MACROD2: variants seen among roughly 807,000 people sequenced by gnomAD.
The protein encoded by MACROD2 is mono-ADP ribosylhydrolase 2, also known as ADP-ribose glycohydrolase MACROD2.
MACROD2 carries 36 observed loss-of-function variants against 70.4 expected under a neutral mutation model. That is an observed-to-expected ratio of 0.51 (90% CI 0.39 to 0.68). MACROD2 has a LOEUF of 0.68. MACROD2 is among the 30% of genes least tolerant of loss of function. The pLI is 0.00. For missense variants in MACROD2, 496 were observed against 538.4 expected, an observed-to-expected ratio of 0.92 and a Z score of 0.78; for synonymous variants, 172 against 178.8, an observed-to-expected ratio of 0.96 and a Z score of 0.30.
At chr20:14,118,365 A>G (rs868743334) in intron 3 of MACROD2, among the ~76,000 whole-genome samples, 19 of 152,314 alleles carry the variant, frequency 1.2e-4, no homozygotes, top group Middle Eastern at 6.8e-3. Context: ...AATTAATTTG[A>G]TTAGACTCTG....
intron 7 of MACROD2, among the ~76,000 whole-genome samples, chr20:15,433,214 C>T (rs191808369): frequency 1.4e-4 from 21 of 151,912 alleles, no homozygotes; most frequent in Middle Eastern, 3.4e-3. Flanking sequence ...AGCAATCAGA[C>T]GAGAGAAAGA....
intron 9 of MACROD2, among the ~76,000 whole-genome samples, chr20:15,872,635 T>A (rs2064602315): frequency 6.6e-6 from 1 of 152,222 alleles, no homozygotes; most frequent in Non-Finnish European, 1.5e-5. Flanking sequence ...GCATCATAAA[T>A]GTTTAAATAT....
intron 5 of MACROD2, among the ~76,000 whole-genome samples, chr20:15,160,958 G>T (rs955064470): frequency 7.3e-6 from 1 of 137,060 alleles, no homozygotes; most frequent in African/African-American, 2.7e-5. Context: ...AAGTTAACAT[G>T]GATCAAGGAG....
At chr20:15,258,316 ACACT>A (rs2077217860) in intron 6 of MACROD2, among the ~76,000 whole-genome samples, 1 of 152,042 alleles carries the variant, frequency 6.6e-6, no homozygotes. Flanking sequence ...TGAGGCCTTC[ACACT>A]CACTCACCAC....
intron 3 of MACROD2, among the ~76,000 whole-genome samples, chr20:14,095,442 T>C (rs1426585678): frequency 6.6e-6 from 1 of 152,162 alleles, no homozygotes; most frequent in Non-Finnish European, 1.5e-5. Flanking sequence ...CTAAATGTGC[T>C]AAATTGTTAT....
chr20:14,282,561 T>A (rs2082314440), intron 3 of MACROD2, among the ~76,000 whole-genome samples: 1 of 152,220 alleles, frequency 6.6e-6, no homozygotes, highest in Non-Finnish European at 1.5e-5. Flanking sequence ...TAAAGGCTTG[T>A]ATTCGGCCAT....
At chr20:15,978,257 T>C (rs1375143037) in intron 13 of MACROD2, among the ~76,000 whole-genome samples, 2 of 152,104 alleles carry the variant, frequency 1.3e-5, no homozygotes, top group Non-Finnish European at 2.9e-5. Flanking sequence ...CCAAAAACAA[T>C]GCAGCTGACC....
chr20:14,275,382 A>G (rs2082242281), intron 3 of MACROD2, among the ~76,000 whole-genome samples: 1 of 152,142 alleles, frequency 6.6e-6, no homozygotes. Flanking sequence ...CAATGGGGAA[A>G]GGATTCCCTA....
chr20:15,692,087 CT>C (rs1170447210), intron 8 of MACROD2, among the ~76,000 whole-genome samples: 1 of 152,138 alleles, frequency 6.6e-6, no homozygotes, highest in African/African-American at 2.4e-5. Context: ...TTTGATTATT[CT>C]AGTTCCTGTG....
intron 8 of MACROD2, among the ~76,000 whole-genome samples, chr20:15,685,539 A>G (rs1439590266): frequency 1.3e-5 from 2 of 152,178 alleles, no homozygotes; most frequent in Non-Finnish European, 1.5e-5. Context: ...TCTTTACTTG[A>G]ATGATTCCCA....
intron 15 of MACROD2, among the ~76,000 whole-genome samples, chr20:16,015,819 AC>A (rs1170661268): frequency 6.6e-6 from 1 of 152,056 alleles, no homozygotes; most frequent in Non-Finnish European, 1.5e-5. Context: ...GTGGTTATTC[AC>A]TGCTATTTTT....
chr20:15,715,631 T>C (rs886289002), intron 8 of MACROD2, among the ~76,000 whole-genome samples: 21 of 152,290 alleles, frequency 1.4e-4, no homozygotes, highest in African/African-American at 4.3e-4. Flanking sequence ...CAAACAATAG[T>C]GCAATAGACA....
intron 9 of MACROD2, among the ~76,000 whole-genome samples, chr20:15,880,886 A>G (rs2064745439): frequency 6.6e-6 from 1 of 151,918 alleles, no homozygotes. Flanking sequence ...TCCCTACATA[A>G]CTTTAACTCA....
intron 3 of MACROD2, among the ~76,000 whole-genome samples, chr20:14,383,837 A>G (rs1367905651): frequency 6.6e-6 from 1 of 152,296 alleles, no homozygotes; most frequent in South Asian, 2.1e-4. Context: ...CCAATTTTTC[A>G]TTAAGTTCAA....
At chr20:14,039,483 T>G (rs1237262683) in intron 2 of MACROD2, among the ~76,000 whole-genome samples, 6 of 152,154 alleles carry the variant, frequency 3.9e-5, no homozygotes, top group African/African-American at 1.4e-4. Flanking sequence ...AAATAAATCC[T>G]TAGTAAAATT....
intron 5 of MACROD2, among the ~76,000 whole-genome samples, chr20:15,128,282 T>C (rs1013539228): frequency 6.6e-5 from 10 of 152,134 alleles, no homozygotes; most frequent in Non-Finnish European, 1.3e-4. Context: ...TCCTACCATA[T>C]GATGGCTGGT....
chr20:15,414,483 G>A (rs768058275), intron 6 of MACROD2, among the ~76,000 whole-genome samples: 3 of 152,182 alleles, frequency 2.0e-5, no homozygotes, highest in Non-Finnish European at 2.9e-5. Context: ...GGTAGAAACC[G>A]ATAAAATTGC....
rs146842863 is a variant in MACROD2 at position 16,049,874 on chromosome 20, T to G, written c.1345T>G (p.Ter449GlyextTer18). The G allele has an allele frequency of 6.3e-7, 1 of 1,581,782 alleles. No homozygotes were observed. Among genetic ancestry groups the G allele is most frequent in the Non-Finnish European group, 8.6e-7 (1 of 1,164,278 alleles). ...EAKEQRNGTK[*>G] ...GAAGGAACAAAGAAATGGAACTAAA[T>G]GACAATCCTCAGCATCGCAAGGCCT... Residue 449 changes from the stop codon to glycine (G), a stop_lost, in exon 18 of 18, where the codon TGA (stop) becomes GGA (glycine). Transcript: ENST00000684519.
intron 3 of MACROD2, among the ~76,000 whole-genome samples, chr20:14,204,348 G>A (rs1429004836): frequency 6.6e-6 from 1 of 152,160 alleles, no homozygotes; most frequent in African/African-American, 2.4e-5. Context: ...CAGATTTGGG[G>A]TAAATGTGAG....
Sources: allele counts gnomAD v4.1 joint callset (sites outside exome capture counted in the v4.1 genomes callset), GRCh38; gene constraint gnomAD v4.1.1; transcripts MANE v1.5; gene names NCBI Gene and HGNC (gene_info 2026-07-23, HGNC 2026-07-21).